PDSS2: variants seen among roughly 807,000 people sequenced by gnomAD.
PDSS2 encodes decaprenyl diphosphate synthase subunit 2, also known as all trans-polyprenyl-diphosphate synthase PDSS2.
In PDSS2, 31 loss-of-function variants were observed where a neutral mutation model predicts 44.5. That is an observed-to-expected ratio of 0.70 (90% CI 0.52 to 0.94). The LOEUF (loss-of-function observed/expected upper bound fraction) is 0.94. Ranked by LOEUF, PDSS2 falls within the 40% of genes least tolerant of loss-of-function variation. The pLI is 0.00. For synonymous variants in PDSS2, 157 were observed against 180.3 expected (o/e 0.87, Z 1.03); for missense variants, 452 against 482.2 (o/e 0.94, Z 0.59).
rs573990817 is a variant in PDSS2, at chr6:107,263,769, T to C, written c.630+10260A>G. Among the ~76,000 whole-genome samples the C allele has an allele frequency of 6.6e-5, 10 of 152,344 alleles. No individual in the cohort carries two copies. In the South Asian group the frequency reaches 1.2e-3, roughly 19 times the overall value. On this transcript the variant is annotated intron_variant, in intron 3 of 7. Coordinates refer to ENST00000369037, the MANE Select transcript of PDSS2 (RefSeq NM_020381.4). The stretch of plus-strand genomic sequence containing the variant: ...AAATGGATACAGTCTCTGTTTAATA[T>C]GTGACTATATTAGCAAATCAGAAAA...
chr6:107,238,593 G>C (rs1346866838), intron 4 of PDSS2, among the ~76,000 whole-genome samples: 1 of 152,204 alleles, frequency 6.6e-6, no homozygotes, highest in East Asian at 1.9e-4. Flanking sequence ...ACTGGAGACT[G>C]ACTTAGTGGT....
chr6:107,458,649 T>TAA lies in PDSS2; in HGVS notation c.296+339_296+340dup, dbSNP rs34853592. On this transcript the variant is annotated intron_variant, in intron 1 of 7. Transcript: ENST00000369037. ...GGGACAGAAAATTAATCTATCCCAT[T>TAA]AAAAAAAAAAAAAATTTCTAGGAAG... 4.2e-5 allele frequency among the ~76,000 whole-genome samples: 6 copies of TAA among 143,292 alleles called. No homozygotes were observed. The East Asian group carries it at 6.0e-4, about 14-fold the overall frequency. 94.0% of individuals were successfully genotyped at this position (143,292 alleles called of 152,430 possible).
intron 4 of PDSS2, among the ~76,000 whole-genome samples, chr6:107,242,385 T>A (rs1489679601): frequency 6.6e-6 from 1 of 151,806 alleles, no homozygotes; most frequent in Non-Finnish European, 1.5e-5. Context: ...TGCCTCAGCC[T>A]CCTGAGTAGC....
chr6:107,245,661 A>C, intron 3 of PDSS2, 42 bp from the exon 4 acceptor site: 1 of 1,232,456 alleles, frequency 8.1e-7, no homozygotes, highest in Non-Finnish European at 1.2e-6. Flanking sequence ...AAATTTAAAT[A>C]TATCTCTATT....
intron 2 of PDSS2, among the ~76,000 whole-genome samples, chr6:107,278,087 T>G (rs1454644603): frequency 6.6e-6 from 1 of 151,798 alleles, no homozygotes; most frequent in East Asian, 1.9e-4. Context: ...AAGATACAAT[T>G]AAAAGAACAA....
chr6:107,298,541 G>A (rs928412463), intron 2 of PDSS2, among the ~76,000 whole-genome samples: 1 of 151,938 alleles, frequency 6.6e-6, no homozygotes, highest in Non-Finnish European at 1.5e-5. Flanking sequence ...TGAGATCCTG[G>A]GACCAAGATC....
chr6:107,444,335 G>C (rs1211889754), intron 1 of PDSS2, among the ~76,000 whole-genome samples: 1 of 152,054 alleles, frequency 6.6e-6, no homozygotes, highest in African/African-American at 2.4e-5. Flanking sequence ...CTAGCCACCA[G>C]GTTCTATTAC....
intron 2 of PDSS2, among the ~76,000 whole-genome samples, chr6:107,310,604 C>T (rs914660527): frequency 3.3e-5 from 5 of 152,164 alleles, no homozygotes; most frequent in African/African-American, 9.7e-5. Context: ...TGTCTTTGAG[C>T]CCATTCATTC....
chr6:107,359,874 A>G (rs1255954558), intron 1 of PDSS2, among the ~76,000 whole-genome samples: 3 of 152,090 alleles, frequency 2.0e-5, no homozygotes, highest in Admixed American at 2.0e-4. Flanking sequence ...CTCAAATTAG[A>G]AATTGCTCTC....
intron 1 of PDSS2, among the ~76,000 whole-genome samples, chr6:107,458,186 GAA>G (rs539608567): frequency 1.4e-5 from 2 of 143,190 alleles, no homozygotes; most frequent in Admixed American, 7.0e-5. Context: ...TTAAGTGGAA[GAA>G]AAAAAAAAAA....
At chr6:107,245,969 T>C (rs1774600394) in intron 3 of PDSS2, among the ~76,000 whole-genome samples, 2 of 152,352 alleles carry the variant, frequency 1.3e-5, no homozygotes, top group South Asian at 4.1e-4. Context: ...GTCAGGTGGA[T>C]ACTTTTTCAG....
At chr6:107,317,805 G>A (rs1368430207) in intron 2 of PDSS2, among the ~76,000 whole-genome samples, 2 of 152,154 alleles carry the variant, frequency 1.3e-5, no homozygotes, top group African/African-American at 4.8e-5. Flanking sequence ...GCACTTTACT[G>A]CTTGATGGTA....
intron 2 of PDSS2, among the ~76,000 whole-genome samples, chr6:107,303,630 T>C (rs1443013128): frequency 6.6e-6 from 1 of 152,254 alleles, no homozygotes; most frequent in Non-Finnish European, 1.5e-5. Flanking sequence ...GACTTTTCTA[T>C]GTCACAAAAT....
intron 1 of PDSS2, among the ~76,000 whole-genome samples, chr6:107,423,612 T>C (rs1780895403): frequency 6.6e-6 from 1 of 152,220 alleles, no homozygotes. Flanking sequence ...GTGAATTTCC[T>C]GGATTATATC....
intron 4 of PDSS2, among the ~76,000 whole-genome samples, chr6:107,225,333 C>T (rs577998494): frequency 4.7e-5 from 7 of 150,476 alleles, no homozygotes; most frequent in Non-Finnish European, 7.4e-5. Flanking sequence ...CCACCATGCC[C>T]GGCTAATTTT....
intron 2 of PDSS2, among the ~76,000 whole-genome samples, chr6:107,279,871 A>G (rs1182517959): frequency 2.0e-5 from 3 of 152,192 alleles, no homozygotes; most frequent in Non-Finnish European, 2.9e-5. Flanking sequence ...ACAATTTAGT[A>G]TATGTCAGAG....
At chr6:107,194,753 A>G (rs1938783174) in intron 6 of PDSS2, among the ~76,000 whole-genome samples, 1 of 152,014 alleles carries the variant, frequency 6.6e-6, no homozygotes, top group South Asian at 2.1e-4. Context: ...GGAGTTCGAG[A>G]CAGCCTGGCC....
At chr6:107,361,197 T>C (rs1778762798) in intron 1 of PDSS2, among the ~76,000 whole-genome samples, 1 of 152,212 alleles carries the variant, frequency 6.6e-6, no homozygotes, top group Non-Finnish European at 1.5e-5. Flanking sequence ...ATAAAAGATA[T>C]TAAATCTATT....
chr6:107,459,155 T>C lies in PDSS2; in HGVS notation c.131A>G (p.Lys44Arg). 1 of 1,614,048 alleles carries C rather than the reference T, an allele frequency of 6.2e-7. No individual in the cohort carries two copies. Among genetic ancestry groups the C allele is most frequent in the South Asian group, 1.1e-5 (1 of 91,072 alleles). Residue 44 changes from lysine (K) to arginine (R), a missense_variant, in exon 1 of 8, where the codon AAG becomes AGG. Lys to Arg is a conservative substitution (Grantham distance 26). Coordinates refer to ENST00000369037, the MANE Select transcript of PDSS2 (RefSeq NM_020381.4). The surrounding 1 kb of genome is among the most constrained non-coding windows in gnomAD (Gnocchi z 4.3). Reference protein sequence around the residue: ...SVGSWRGRSSKSPAHWNQVVS... With the variant: ...SVGSWRGRSSRSPAHWNQVVS... Reference sequence around the variant, plus strand: ...TACCTGATTCCAGTGGGCCGGGGACTTGGAGGACCGACCACGCCAAGAGCC... The same window carrying C: ...TACCTGATTCCAGTGGGCCGGGGACCTGGAGGACCGACCACGCCAAGAGCC...
Sources: allele counts gnomAD v4.1 joint callset (sites outside exome capture counted in the v4.1 genomes callset), GRCh38; gene constraint gnomAD v4.1.1; non-coding constraint Gnocchi (gnomAD v3.1); transcripts MANE v1.5; gene names NCBI Gene and HGNC (gene_info 2026-07-23, HGNC 2026-07-21).